The following KCNMB1 variants were observed in gnomAD, a reference collection of about 807,000 sequenced individuals.
KCNMB1 encodes the protein potassium calcium-activated channel subfamily M regulatory beta subunit 1, also known as calcium-activated potassium channel subunit beta-1.
In KCNMB1, 22 loss-of-function variants were observed where a neutral mutation model predicts 21.7. That is an observed-to-expected ratio of 1.01 (90% CI 0.72 to 1.45). The LOEUF (loss-of-function observed/expected upper bound fraction) is 1.45. KCNMB1 is among the 40% of genes most tolerant of loss of function. The pLI, the probability that KCNMB1 is intolerant of heterozygous loss-of-function variation, is 0.00. For missense variants in KCNMB1, 243 were observed against 243.4 expected, an observed-to-expected ratio of 1.00 and a Z score of 0.01; for synonymous variants, 114 against 107.6, an observed-to-expected ratio of 1.06 and a Z score of -0.37.
At chr5:170,389,107 C>G (rs1390011940) in intron 1 of KCNMB1, among the ~76,000 whole-genome samples, 152 bp downstream of exon 1, 1 of 152,158 alleles carries the variant, frequency 6.6e-6, no homozygotes, top group African/African-American at 2.4e-5. Flanking sequence ...CACCAGACCA[C>G]GGGCCCTCCA....
chr5:170,383,480 A>G, intron 3 of KCNMB1, 199 bp downstream of exon 3: 1 of 645,952 alleles, frequency 1.5e-6, no homozygotes, highest in Non-Finnish European at 2.8e-6. Flanking sequence ...ATGTTTACAC[A>G]GCCAGTTAGC....
In KCNMB1 at chr5:170,379,793, G is replaced by T. The variant is rs546091902; in HGVS notation, c.307-820C>A. On this transcript the variant is annotated intron_variant, in intron 3 of 3. Coordinates refer to ENST00000274629, the MANE Select transcript of KCNMB1 (RefSeq NM_004137.4). Reference sequence around the variant, plus strand: ...GCAAGACTTTATCTCTACAAAAAAAGTTAAAAATTATCCAGGTGGGCATGG... The same window carrying T: ...GCAAGACTTTATCTCTACAAAAAAATTTAAAAATTATCCAGGTGGGCATGG... 2.0e-5 allele frequency among the ~76,000 whole-genome samples: 3 copies of T among 152,000 alleles called. No homozygotes were observed. The East Asian group carries it at 5.8e-4, about 29-fold the overall frequency.
chr5:170,386,129 A>AAAT (rs1764462102), intron 1 of KCNMB1, among the ~76,000 whole-genome samples: 1 of 152,056 alleles, frequency 6.6e-6, no homozygotes, highest in African/African-American at 2.4e-5. Context: ...CGTCAAAAAA[A>AAAT]AAAACAAAAA....
chr5:170,383,641 G>T, intron 3 of KCNMB1, 38 bp downstream of exon 3: 1 of 1,608,696 alleles, frequency 6.2e-7, no homozygotes, highest in Middle Eastern at 1.7e-4. Context: ...CACCTGACAG[G>T]GATAAAGGGA....
intron 3 of KCNMB1, 51 bp from the exon 4 acceptor site, chr5:170,379,024 G>A: frequency 6.3e-7 from 1 of 1,588,902 alleles, no homozygotes; most frequent in East Asian, 2.2e-5. Context: ...CCATTTCTTA[G>A]CCAAGGGCTT....
At chr5:170,380,491 G>A (rs1764196695) in intron 3 of KCNMB1, among the ~76,000 whole-genome samples, 1 of 152,240 alleles carries the variant, frequency 6.6e-6, no homozygotes. Context: ...TGCCACCCTG[G>A]AAGCTGCCTG....
At chr5:170,386,530 C>T (rs1473125658) in intron 1 of KCNMB1, among the ~76,000 whole-genome samples, 1 of 152,172 alleles carries the variant, frequency 6.6e-6, no homozygotes, top group Non-Finnish European at 1.5e-5. Flanking sequence ...CCTCCTTCCA[C>T]GGCACTTATC....
chr5:170,385,076 C>A (rs1216384974), intron 2 of KCNMB1, among the ~76,000 whole-genome samples: 2 of 152,122 alleles, frequency 1.3e-5, no homozygotes, highest in Non-Finnish European at 2.9e-5. Context: ...TGTCTGTTAC[C>A]ACCACGTCCT....
At position 170,383,720 on chromosome 5, in the gene KCNMB1, C is replaced by G. The variant is rs371750445; in HGVS notation, c.265G>C (p.Val89Leu). The G allele has an allele frequency of 1.2e-6, 2 of 1,614,184 alleles. No homozygotes were observed. The highest frequency in any genetic ancestry group is 8.5e-7 in the Non-Finnish European group (1 of 1,180,022). ...VNVSAAGRWA[V>L]LYHTEDTRDQ... ...CGAGTGTCCTCCGTGTGGTACAGCA[C>G]AGCCCACCTGCCGGCAGCTGACACG... Residue 89 changes from valine (V) to leucine (L), a missense_variant, in exon 3 of 4, where the codon GTG (valine) becomes CTG (leucine). Physicochemically the swap from Val to Leu is conservative, Grantham distance 32 (BLOSUM62 1). Coordinates refer to ENST00000274629, the MANE Select transcript of KCNMB1 (RefSeq NM_004137.4).
intron 1 of KCNMB1, among the ~76,000 whole-genome samples, chr5:170,388,542 T>C (rs1764580416): frequency 6.6e-6 from 1 of 152,204 alleles, no homozygotes; most frequent in African/African-American, 2.4e-5. Flanking sequence ...ACTTGAGATC[T>C]GGGATAGATT....
chr5:170,376,804 C>A lies in KCNMB1; in HGVS notation c.*1900G>T, dbSNP rs1764023104. On this transcript the variant is annotated 3_prime_UTR_variant, in exon 4 of 4. Transcript: ENST00000274629. ...TACCTGGGTGATGAAATAATCTGCA[C>A]AACAAACTCCCTTGACACAAGTGTA... 6.6e-6 allele frequency: 1 copy of A among 152,062 alleles called. No individual in the cohort carries two copies. The highest frequency in any genetic ancestry group is 1.5e-5 in the Non-Finnish European group (1 of 68,028). The allele number at this position is 152,062 out of a possible 1,614,324, so 9.4% of individuals were successfully genotyped here.
chr5:170,385,199 CCTG>C (rs1171760212), intron 2 of KCNMB1, 112 bp downstream of exon 2: 25 of 1,156,692 alleles, frequency 2.2e-5, no homozygotes, highest in Non-Finnish European at 2.9e-5. Flanking sequence ...TCGTCTTGAC[CCTG>C]CTGCCTTGAA....
chr5:170,374,697 C>T lies in KCNMB1; in HGVS notation c.*4007G>A, dbSNP rs1763939273. 1 of 152,274 alleles carries T rather than the reference C, an allele frequency of 6.6e-6. No homozygotes were observed. The highest frequency in any genetic ancestry group is 2.1e-4 in the South Asian group (1 of 4,818). The allele number at this position is 152,274 out of a possible 1,614,324, so 9.4% of individuals were successfully genotyped here. On this transcript the variant is annotated 3_prime_UTR_variant, in exon 4 of 4. Coordinates refer to ENST00000274629, the MANE Select transcript of KCNMB1 (RefSeq NM_004137.4). Reference sequence around the variant, plus strand: ...CATTAGCAGAGTGGTTTATTAAGAACTGATGAAGGTTCTCTGCTCCCAGGC... The same window carrying T: ...CATTAGCAGAGTGGTTTATTAAGAATTGATGAAGGTTCTCTGCTCCCAGGC...
At chr5:170,381,166 TG>T (rs1764223702) in intron 3 of KCNMB1, among the ~76,000 whole-genome samples, 1 of 152,164 alleles carries the variant, frequency 6.6e-6, no homozygotes, top group Non-Finnish European at 1.5e-5. Context: ...TGGGCCTGTT[TG>T]GCAAGACACT....
intron 3 of KCNMB1, among the ~76,000 whole-genome samples, chr5:170,382,459 C>T (rs1485759132): frequency 6.6e-6 from 1 of 152,044 alleles, no homozygotes; most frequent in African/African-American, 2.4e-5. Context: ...CTTAGTCTGC[C>T]CTGACAGCCT....
intron 1 of KCNMB1, among the ~76,000 whole-genome samples, chr5:170,388,053 C>G (rs12517309): frequency 0.014 from 2,141 of 152,338 alleles, 23 homozygotes; most frequent in Middle Eastern, 0.051. Context: ...GCCTCCTCTG[C>G]TATTTGGCTT....
At chr5:170,380,599 C>T (rs1764201069) in intron 3 of KCNMB1, among the ~76,000 whole-genome samples, 1 of 152,336 alleles carries the variant, frequency 6.6e-6, no homozygotes, top group Admixed American at 6.5e-5. Context: ...AGGGCCCCAG[C>T]CAGCCAGGGA....
intron 1 of KCNMB1, among the ~76,000 whole-genome samples, chr5:170,388,241 T>G (rs765944647): frequency 9.8e-5 from 15 of 152,352 alleles, no homozygotes; most frequent in Non-Finnish European, 1.9e-4. Context: ...GATTGTTGCC[T>G]GCACTGAGTG....
At chr5:170,383,925 T>C in intron 2 of KCNMB1, 75 bp from the exon 3 acceptor site, 1 of 1,499,164 alleles carries the variant, frequency 6.7e-7, no homozygotes, top group South Asian at 1.2e-5. Flanking sequence ...TTGAACCCAT[T>C]ATCCCCTGGG....
Sources: gnomAD v4.1 joint callset for allele counts (sites outside exome capture counted in the v4.1 genomes callset) on GRCh38, gnomAD v4.1.1 for gene constraint, MANE v1.5 for transcripts, NCBI Gene and HGNC (gene_info 2026-07-23, HGNC 2026-07-21) for gene names.